The following FIGN variants were observed in gnomAD, a reference collection of about 807,000 sequenced individuals.
FIGN encodes fidgetin.
A neutral mutation model predicts 51.3 loss-of-function variants in FIGN; 11 were observed. The ratio of observed to expected loss-of-function variants is 0.21; its 90% confidence interval spans 0.13 to 0.35. The LOEUF (loss-of-function observed/expected upper bound fraction) is 0.35, where lower values mean the gene tolerates loss of function less well. Ranked by LOEUF, FIGN falls within the 10% of genes least tolerant of loss-of-function variation. The pLI, the probability that FIGN is intolerant of heterozygous loss-of-function variation, is 1.00. For missense variants in FIGN, 857 were observed against 943.6 expected, an observed-to-expected ratio of 0.91 and a Z score of 1.20; for synonymous variants, 407 against 363.2, an observed-to-expected ratio of 1.12 and a Z score of -1.37.
intron 1 of FIGN, 81 bp from the exon 2 acceptor site, chr2:163,735,153 A>C (rs1684994624): frequency 1.9e-6 from 1 of 529,708 alleles, no homozygotes; most frequent in Admixed American, 3.7e-5. Context: ...AAAGGAAAAA[A>C]AGCACATGAC....
chr2:163,661,684 G>T (rs750328601), intron 2 of FIGN, among the ~76,000 whole-genome samples: 12 of 152,136 alleles, frequency 7.9e-5, no homozygotes, highest in Non-Finnish European at 1.6e-4. Flanking sequence ...GAGACCCAGG[G>T]GGAGGTAACT....
chr2:163,720,650 T>C (rs1413897023), intron 2 of FIGN, among the ~76,000 whole-genome samples: 1 of 152,118 alleles, frequency 6.6e-6, no homozygotes, highest in African/African-American at 2.4e-5. Context: ...ACCACTTAGT[T>C]AAGAATCTGG....
At position 163,607,225 on chromosome 2, in the gene FIGN, T is replaced by C. The variant is rs934475281; in HGVS notation, c.*2327A>G. ...AGATCAATATGAACCTACAAGTTAATGTGGATATTAGAATTTCCTTACAAG... is the reference window on the plus strand; with the variant it reads ...AGATCAATATGAACCTACAAGTTAACGTGGATATTAGAATTTCCTTACAAG... On this transcript the variant is annotated 3_prime_UTR_variant, in exon 3 of 3. Coordinates refer to ENST00000333129, the MANE Select transcript of FIGN (RefSeq NM_018086.4). The C allele has an allele frequency of 6.6e-6, 1 of 152,198 alleles. No individual in the cohort carries two copies. The highest frequency in any genetic ancestry group is 1.5e-5 in the Non-Finnish European group (1 of 68,022). 9.4% of individuals were successfully genotyped at this position (152,198 alleles called of 1,614,324 possible).
intron 2 of FIGN, among the ~76,000 whole-genome samples, chr2:163,689,958 A>G (rs770740948): frequency 6.6e-6 from 1 of 152,176 alleles, no homozygotes; most frequent in African/African-American, 2.4e-5. Flanking sequence ...TAAGTGCAAA[A>G]TTGTAAATAA....
intron 2 of FIGN, among the ~76,000 whole-genome samples, chr2:163,678,237 G>A (rs1187532136): frequency 6.7e-6 from 1 of 149,580 alleles, no homozygotes. Flanking sequence ...TTTTTCTTTT[G>A]TGAGATGCAG....
In FIGN at chr2:163,643,891, C is replaced by A. The variant is rs1683342413; in HGVS notation, c.26-32085G>T. ...AGGTTGCAGTGAGCTGAGATCACACCCCTGCACTCCAGGCTGGGCAACAAG... is the reference window on the plus strand; with the variant it reads ...AGGTTGCAGTGAGCTGAGATCACACACCTGCACTCCAGGCTGGGCAACAAG... On this transcript the variant is annotated intron_variant, in intron 2 of 2. Coordinates refer to ENST00000333129, the MANE Select transcript of FIGN (RefSeq NM_018086.4). Among the ~76,000 whole-genome samples the A allele has an allele frequency of 6.1e-5, 8 of 130,534 alleles. No homozygotes were observed. In the South Asian group the frequency reaches 1.9e-3, roughly 32 times the overall value. The allele number at this position is 130,534 out of a possible 152,430, so 85.6% of individuals were successfully genotyped here. A position where few individuals can be genotyped will look rare whatever the true frequency, so the allele number is the denominator to read the frequency against.
intron 2 of FIGN, among the ~76,000 whole-genome samples, chr2:163,651,047 G>A (rs922599999): frequency 1.3e-5 from 2 of 152,166 alleles, no homozygotes; most frequent in African/African-American, 4.8e-5. Context: ...AACAAAAAAT[G>A]TTGGATAGAT....
At position 163,610,717 on chromosome 2, in the gene FIGN, G is replaced by C; in HGVS notation, c.1115C>G (p.Ser372Ter). 1 of 1,614,202 alleles carries C rather than the reference G, an allele frequency of 6.2e-7. No homozygotes were observed. The highest frequency in any genetic ancestry group is 8.5e-7 in the Non-Finnish European group (1 of 1,180,032). Residue 372 changes from serine (S) to a stop codon, truncating the protein, a stop_gained, in exon 3 of 3, where the codon TCA becomes TGA. Coordinates refer to ENST00000333129, the MANE Select transcript of FIGN (RefSeq NM_018086.4). LOFTEE classifies it high-confidence loss of function. ...CTTCGTTGGCTTAAATGCTAAGGAT[G>C]ATGTTTCAGCACTTCTGTCAAAGCC... The part of the protein sequence containing the change: ...GNGFDRSAET[S>*]SLAFKPTKQL...
chr2:163,735,128 C>T, intron 1 of FIGN, 56 bp from the exon 2 acceptor site: 1 of 546,060 alleles, frequency 1.8e-6, no homozygotes, highest in Non-Finnish European at 3.2e-6. Context: ...GATCTCAGAT[C>T]ACAGGAGAAG....
At chr2:163,673,950 A>T (rs1057388388) in intron 2 of FIGN, among the ~76,000 whole-genome samples, 1 of 152,240 alleles carries the variant, frequency 6.6e-6, no homozygotes, top group East Asian at 1.9e-4. Flanking sequence ...GAAATAATAC[A>T]TGTAATGTGA....
At chr2:163,694,166 G>A (rs1684280810) in intron 2 of FIGN, among the ~76,000 whole-genome samples, 2 of 152,160 alleles carry the variant, frequency 1.3e-5, no homozygotes, top group South Asian at 2.1e-4. Flanking sequence ...CATATTCCAA[G>A]CAAAGATGCA....
chr2:163,670,835 T>G (rs1683863792), intron 2 of FIGN, among the ~76,000 whole-genome samples: 1 of 152,238 alleles, frequency 6.6e-6, no homozygotes, highest in Non-Finnish European at 1.5e-5. Context: ...TCTTTTGATA[T>G]ATATGCACAA....
At chr2:163,687,776 TA>T (rs1684172953) in intron 2 of FIGN, among the ~76,000 whole-genome samples, 1 of 152,200 alleles carries the variant, frequency 6.6e-6, no homozygotes, top group Non-Finnish European at 1.5e-5. Flanking sequence ...CTGTTTTTAG[TA>T]AAATTCCTGT....
chr2:163,666,687 C>T (rs1253377242), intron 2 of FIGN, among the ~76,000 whole-genome samples: 1 of 152,038 alleles, frequency 6.6e-6, no homozygotes, highest in Admixed American at 6.5e-5. Context: ...ACCCAAGAAC[C>T]ATGTCTTGTG....
intron 2 of FIGN, among the ~76,000 whole-genome samples, chr2:163,728,211 T>C (rs970002820): frequency 6.6e-5 from 10 of 152,236 alleles, no homozygotes; most frequent in African/African-American, 1.4e-4. Context: ...TTTCGTTTTT[T>C]TAATGGTCAG....
intron 2 of FIGN, among the ~76,000 whole-genome samples, chr2:163,622,257 C>G (rs1406456434): frequency 1.3e-5 from 2 of 152,134 alleles, no homozygotes; most frequent in African/African-American, 4.8e-5. Context: ...ATAGCTTGAA[C>G]TGGGGAGATG....
chr2:163,726,204 T>C (rs1684835908), intron 2 of FIGN, among the ~76,000 whole-genome samples: 1 of 152,088 alleles, frequency 6.6e-6, no homozygotes, highest in African/African-American at 2.4e-5. Context: ...AGGGTCCCAA[T>C]GTCTACATTT....
Position 163,611,467 on chromosome 2 carries a change from T to C in FIGN, c.365A>G (p.Asn122Ser). 1 of 1,614,116 alleles carries C rather than the reference T, an allele frequency of 6.2e-7. No homozygotes were observed. The highest frequency in any genetic ancestry group is 8.5e-7 in the Non-Finnish European group (1 of 1,180,006). ...SLNSEAVYPM[N>S]CVPDVITASK... ...GGCAGTGATAACATCCGGAACACAGTTCATGGGATAAACAGCTTCTGAATT... is the reference window on the plus strand; with the variant it reads ...GGCAGTGATAACATCCGGAACACAGCTCATGGGATAAACAGCTTCTGAATT... The change falls in exon 3 of 3, where the codon AAC becomes AGC. Residue 122 changes from asparagine (N) to serine (S), a missense_variant. Physicochemically the swap from Asn to Ser is conservative, Grantham distance 46 (BLOSUM62 1). Transcript: ENST00000333129.
chr2:163,637,252 A>G (rs1683240675), intron 2 of FIGN, among the ~76,000 whole-genome samples: 1 of 152,204 alleles, frequency 6.6e-6, no homozygotes, highest in Non-Finnish European at 1.5e-5. Context: ...GTTAAAACAT[A>G]CTTGGGTTCT....
Sources: gnomAD v4.1 joint callset for allele counts (sites outside exome capture counted in the v4.1 genomes callset) on GRCh38, gnomAD v4.1.1 for gene constraint, MANE v1.5 for transcripts, NCBI Gene and HGNC (gene_info 2026-07-23, HGNC 2026-07-21) for gene names.